BABAM2: variants seen among roughly 807,000 people sequenced by gnomAD.
BABAM2 encodes the protein BRISC and BRCA1 A complex member 2, also known as BRISC and BRCA1-A complex member 2.
BABAM2 carries 31 observed loss-of-function variants against 54.7 expected under a neutral mutation model. The ratio of observed to expected loss-of-function variants is 0.57; its 90% confidence interval spans 0.43 to 0.77. The LOEUF (loss-of-function observed/expected upper bound fraction) is 0.77, where lower values mean the gene tolerates loss of function less well. BABAM2 is among the 30% of genes least tolerant of loss of function. BABAM2 has a pLI of 0.00. For missense variants in BABAM2, 364 were observed against 455.8 expected (o/e 0.80, Z 1.83); for synonymous variants, 167 against 162.9 (o/e 1.03, Z -0.19).
At chr2:28,271,401 A>T (rs1271578205) in intron 10 of BABAM2, among the ~76,000 whole-genome samples, 1 of 151,542 alleles carries the variant, frequency 6.6e-6, no homozygotes, top group African/African-American at 2.4e-5. Flanking sequence ...AACCAACATG[A>T]TTTCCTCTCC....
intron 7 of BABAM2, chr2:28,233,343 A>T: frequency 2.2e-6 from 1 of 461,802 alleles, no homozygotes; most frequent in Non-Finnish European, 4.5e-6. Flanking sequence ...GAGCCCTGGA[A>T]TCTCTGCACA....
At position 28,266,954 on chromosome 2, in the gene BABAM2, G is replaced by A. The variant is rs139705540; in HGVS notation, c.934+22092G>A. ...GTGGATCAGCTGAGATCAGGAATTC[G>A]AGACCAGCCTGATCAACATGGTGAA... On this transcript the variant is annotated intron_variant, in intron 10 of 11. Coordinates refer to ENST00000379624, the MANE Select transcript of BABAM2 (RefSeq NM_199191.3). 9.0e-4 allele frequency among the ~76,000 whole-genome samples: 137 copies of A among 152,270 alleles called. 1 individual carries two copies. The highest frequency in any genetic ancestry group is 3.1e-3 in the African/African-American group (130 of 41,552).
intron 6 of BABAM2, among the ~76,000 whole-genome samples, chr2:28,056,214 G>C (rs72812599): frequency 0.068 from 10,418 of 152,090 alleles, 545 homozygotes; most frequent in African/African-American, 0.15. Context: ...ACAGGTTATA[G>C]AATTGTACCA....
intron 11 of BABAM2, among the ~76,000 whole-genome samples, chr2:28,324,593 G>A (rs1690285749): frequency 6.7e-6 from 1 of 150,322 alleles, no homozygotes; most frequent in South Asian, 2.1e-4. Context: ...GGGCAACATA[G>A]TGAGACCCGT....
intron 7 of BABAM2, among the ~76,000 whole-genome samples, chr2:28,221,674 CTGT>C (rs1462774257): frequency 6.6e-6 from 1 of 152,150 alleles, no homozygotes; most frequent in African/African-American, 2.4e-5. Flanking sequence ...TTCAGCTCCC[CTGT>C]TGTTGATTGA....
chr2:28,207,323 G>A (rs1315324943), intron 7 of BABAM2, among the ~76,000 whole-genome samples: 2 of 142,320 alleles, frequency 1.4e-5, no homozygotes, highest in African/African-American at 5.3e-5. Context: ...GGGCAACATA[G>A]CAAGACCTCG....
intron 7 of BABAM2, among the ~76,000 whole-genome samples, chr2:28,182,299 A>G (rs1180560172): frequency 6.6e-6 from 1 of 152,182 alleles, no homozygotes; most frequent in Non-Finnish European, 1.5e-5. Flanking sequence ...GTTCTTCTGC[A>G]AGAAGATATT....
At chr2:28,282,432 T>C (rs1403439991) in intron 10 of BABAM2, among the ~76,000 whole-genome samples, 1 of 152,014 alleles carries the variant, frequency 6.6e-6, no homozygotes, top group East Asian at 1.9e-4. Flanking sequence ...AAATGGTAGA[T>C]CAGCCAAAAT....
intron 7 of BABAM2, among the ~76,000 whole-genome samples, chr2:28,233,677 A>T (rs1681631966): frequency 1.3e-5 from 2 of 152,336 alleles, no homozygotes; most frequent in South Asian, 2.1e-4. Context: ...ACGTCCTTTA[A>T]AAAATAAACT....
intron 10 of BABAM2, among the ~76,000 whole-genome samples, chr2:28,269,973 T>C (rs966788756): frequency 1.4e-4 from 21 of 152,176 alleles, no homozygotes; most frequent in African/African-American, 4.8e-4. Flanking sequence ...TGTCTTGACA[T>C]TATTTATAGC....
At chr2:28,166,970 A>G (rs1464518283) in intron 7 of BABAM2, among the ~76,000 whole-genome samples, 2 of 152,158 alleles carry the variant, frequency 1.3e-5, no homozygotes, top group African/African-American at 2.4e-5. Flanking sequence ...GGGACTTGGA[A>G]ATAGATTGAG....
chr2:28,293,444 C>T (rs533847324), intron 10 of BABAM2, among the ~76,000 whole-genome samples: 2 of 152,332 alleles, frequency 1.3e-5, no homozygotes, highest in African/African-American at 4.8e-5. Context: ...CCAGAGTTCA[C>T]AGAGAGGCAG....
At chr2:28,180,411 A>G (rs1162233748) in intron 7 of BABAM2, among the ~76,000 whole-genome samples, 1 of 152,164 alleles carries the variant, frequency 6.6e-6, no homozygotes, top group East Asian at 1.9e-4. Flanking sequence ...CTGGATCTCC[A>G]TATGCCACGG....
chr2:28,051,949 C>T (rs569757853), intron 6 of BABAM2, among the ~76,000 whole-genome samples: 28 of 151,682 alleles, frequency 1.8e-4, no homozygotes, highest in African/African-American at 6.3e-4. Context: ...CATGCCTGGC[C>T]AAGTCAGGGT....
At chr2:28,079,259 C>A (rs973527638) in intron 6 of BABAM2, among the ~76,000 whole-genome samples, 2 of 152,042 alleles carry the variant, frequency 1.3e-5, no homozygotes, top group African/African-American at 4.8e-5. Context: ...CTACACAGGC[C>A]CTTCCTTTGT....
At chr2:27,964,698 T>G (rs192229120) in intron 3 of BABAM2, among the ~76,000 whole-genome samples, 10 of 152,252 alleles carry the variant, frequency 6.6e-5, no homozygotes, top group African/African-American at 2.2e-4. Flanking sequence ...AGAGTGCTGG[T>G]TTTTAAAGAT....
chr2:28,081,659 C>T (rs1014708045), intron 6 of BABAM2, among the ~76,000 whole-genome samples: 6 of 152,182 alleles, frequency 3.9e-5, no homozygotes, highest in African/African-American at 1.4e-4. Context: ...ACGCTACTCC[C>T]ACTTCCTTTC....
intron 3 of BABAM2, among the ~76,000 whole-genome samples, chr2:27,946,587 G>A (rs954191895): frequency 6.6e-6 from 1 of 151,962 alleles, no homozygotes; most frequent in Non-Finnish European, 1.5e-5. Context: ...AGCTTAGAAG[G>A]TTAGAATTCA....
chr2:28,225,853 T>G (rs1449073575), intron 7 of BABAM2, among the ~76,000 whole-genome samples: 1 of 152,006 alleles, frequency 6.6e-6, no homozygotes, highest in African/African-American at 2.4e-5. Context: ...AAAGGGCCTC[T>G]TTTCATTTTT....
Sources: allele counts gnomAD v4.1 joint callset (sites outside exome capture counted in the v4.1 genomes callset), GRCh38; gene constraint gnomAD v4.1.1; transcripts MANE v1.5; gene names NCBI Gene and HGNC (gene_info 2026-07-23, HGNC 2026-07-21).